DMD: variants seen among roughly 807,000 people sequenced by gnomAD.
DMD encodes dystrophin.
Under a neutral mutation model 330.1 loss-of-function variants are expected in DMD, and 63 were observed. The observed-to-expected ratio is 0.19, with a 90% CI of 0.16 to 0.24. DMD has a LOEUF of 0.24. DMD is among the 10% of genes least tolerant of loss of function. The probability of loss-of-function intolerance (pLI) is 1.00; values close to 1 mark genes in which losing one functional copy is unlikely to be tolerated. For missense variants in DMD, 3,344 were observed against 2,684.1 expected, an observed-to-expected ratio of 1.25 and a Z score of -5.43; for synonymous variants, 1,223 against 959.8, an observed-to-expected ratio of 1.27 and a Z score of -5.07.
At chrX:31,356,052 T>C (rs1020626203) in intron 60 of DMD, among the ~76,000 whole-genome samples, 4 of 111,232 alleles carry the variant, frequency 3.6e-5, no homozygotes, top group African/African-American at 9.8e-5. Flanking sequence ...ATTAACTGAA[T>C]TGTCTTTCCT....
chrX:32,704,849 T>A (rs2064463900), intron 7 of DMD, among the ~76,000 whole-genome samples: 1 of 112,241 alleles, frequency 8.9e-6, no homozygotes, highest in Non-Finnish European at 1.9e-5. Flanking sequence ...AACCAAAACC[T>A]ATGGTTGTAA....
At chrX:32,890,721 T>C (rs1416189439) in intron 2 of DMD, among the ~76,000 whole-genome samples, 3 of 112,125 alleles carry the variant, frequency 2.7e-5, no homozygotes, top group African/African-American at 9.7e-5. Context: ...TGGGGTTATG[T>C]TGTCCAGTAA....
At chrX:31,979,449 T>C (rs996933028) in intron 44 of DMD, among the ~76,000 whole-genome samples, 4 of 112,396 alleles carry the variant, frequency 3.6e-5, no homozygotes, top group Non-Finnish European at 7.5e-5. Flanking sequence ...GCTCATCAGT[T>C]AATTTGTTCT....
At chrX:32,915,546 G>A (rs955415557) in intron 2 of DMD, among the ~76,000 whole-genome samples, 3 of 110,937 alleles carry the variant, frequency 2.7e-5, no homozygotes, top group Non-Finnish European at 5.7e-5. Context: ...TGAATGTTAA[G>A]CGAAGGCTAA....
chrX:31,131,827 A>G (rs1024597665), intron 77 of DMD, among the ~76,000 whole-genome samples: 2 of 111,924 alleles, frequency 1.8e-5, no homozygotes, highest in Non-Finnish European at 1.9e-5. Flanking sequence ...AATTTTTACA[A>G]TAATGAAACT....
At chrX:33,309,849 A>G (rs1450587711) in intron 1 of DMD, among the ~76,000 whole-genome samples, 4 of 111,061 alleles carry the variant, frequency 3.6e-5, no homozygotes, top group Non-Finnish European at 5.7e-5. Flanking sequence ...TAGAAGTACT[A>G]TATATAGGAG....
intron 2 of DMD, among the ~76,000 whole-genome samples, chrX:32,907,496 G>A (rs191553072): frequency 2.2e-4 from 24 of 111,395 alleles, no homozygotes; most frequent in East Asian, 1.1e-3. Context: ...AAATTCAAGC[G>A]GTTCATTGAA....
At chrX:32,718,355 C>G (rs2065936730) in intron 7 of DMD, among the ~76,000 whole-genome samples, 1 of 110,949 alleles carries the variant, frequency 9.0e-6, no homozygotes, top group African/African-American at 3.3e-5. Flanking sequence ...TGCCTGCTCT[C>G]TCTTCCTCCT....
Position 32,453,454 on chromosome X carries a change from A to G in DMD, c.3603+1208T>C, listed in dbSNP as rs192889417. Reference sequence around the variant, plus strand: ...AGATATTTACTTTCAACATTTGACTAAAGCCGTATGACAGATTCGATATTT... The same window carrying G: ...AGATATTTACTTTCAACATTTGACTGAAGCCGTATGACAGATTCGATATTT... On this transcript the variant is annotated intron_variant, in intron 26 of 78. Coordinates refer to ENST00000357033, the MANE Select transcript of DMD (RefSeq NM_004006.3). Among the ~76,000 whole-genome samples the G allele has an allele frequency of 1.1e-4, 12 of 111,245 alleles. No individual in the cohort carries two copies. In the East Asian group the frequency reaches 2.8e-3, roughly 26 times the overall value.
chrX:33,039,953 A>T (rs942721875), intron 1 of DMD, among the ~76,000 whole-genome samples: 9 of 111,051 alleles, frequency 8.1e-5, no homozygotes, highest in African/African-American at 2.6e-4. Context: ...TCCTCCAAGG[A>T]GAGACTGGAT....
chrX:33,116,210 G>A (rs761560233), intron 1 of DMD, among the ~76,000 whole-genome samples: 13 of 109,059 alleles, frequency 1.2e-4, no homozygotes, highest in South Asian at 8.2e-4. Context: ...CCAAAACAAC[G>A]ACAAAAAACC....
chrX:32,378,159 C>T (rs1226589372), intron 34 of DMD, among the ~76,000 whole-genome samples: 2 of 110,208 alleles, frequency 1.8e-5, no homozygotes, highest in Admixed American at 1.9e-4. Context: ...AATTTGGAAA[C>T]TTTGGGTCTC....
chrX:33,019,105 G>A (rs2093863577), intron 2 of DMD, among the ~76,000 whole-genome samples: 1 of 111,571 alleles, frequency 9.0e-6, no homozygotes. Flanking sequence ...AGAAAAGGGA[G>A]AACTTTTGAG....
At chrX:32,885,827 G>A (rs201018212) in intron 2 of DMD, among the ~76,000 whole-genome samples, 32 of 64,910 alleles carry the variant, frequency 4.9e-4, no homozygotes, top group South Asian at 1.0e-3. Context: ...CCTTGAGGGG[G>A]AAAAAAAAAA....
chrX:31,374,316 T>C (rs1188940602), intron 60 of DMD, among the ~76,000 whole-genome samples: 37 of 102,418 alleles, frequency 3.6e-4, no homozygotes, highest in Admixed American at 1.2e-3. Flanking sequence ...GCCATCCCAT[T>C]ACTGGGTATA....
At position 33,034,555 on chromosome X, in the gene DMD, A is replaced by G. The variant is rs922140845; in HGVS notation, c.32-14355T>C. 2.0e-4 allele frequency among the ~76,000 whole-genome samples: 22 copies of G among 112,285 alleles called. No individual in the cohort carries two copies. The Admixed American group carries it at 2.0e-3, about 10-fold the overall frequency. On this transcript the variant is annotated intron_variant, in intron 1 of 78. Transcript: ENST00000357033. ...CTTGCTCTATGGGCTTCTGTTAATC[A>G]TTTAATTATGTGGAATACAATTTCC...
intron 55 of DMD, among the ~76,000 whole-genome samples, chrX:31,513,985 C>T (rs1172553023): frequency 8.9e-6 from 1 of 112,042 alleles, no homozygotes; most frequent in East Asian, 2.8e-4. Context: ...AGCCACTAGG[C>T]TATATTACCT....
chrX:31,373,656 T>C (rs1291692078), intron 60 of DMD, among the ~76,000 whole-genome samples: 42 of 110,264 alleles, frequency 3.8e-4, no homozygotes, highest in Non-Finnish European at 7.0e-4. Flanking sequence ...TTACACCTTA[T>C]ACGAAAATTA....
intron 44 of DMD, among the ~76,000 whole-genome samples, chrX:31,993,941 G>T (rs1367265124): frequency 9.0e-6 from 1 of 111,224 alleles, no homozygotes; most frequent in African/African-American, 3.3e-5. Context: ...AATGATAACG[G>T]GCATTGAAGC....
Sources: gnomAD v4.1 joint callset for allele counts (sites outside exome capture counted in the v4.1 genomes callset) on GRCh38, gnomAD v4.1.1 for gene constraint, MANE v1.5 for transcripts, NCBI Gene and HGNC (gene_info 2026-07-23, HGNC 2026-07-21) for gene names.